SMG6: variants seen among roughly 807,000 people sequenced by gnomAD.
SMG6 encodes SMG6 nonsense mediated mRNA decay factor, also known as telomerase-binding protein EST1A.
A neutral mutation model predicts 142.2 loss-of-function variants in SMG6; 66 were observed. The observed-to-expected ratio is 0.46, with a 90% confidence interval of 0.38 to 0.57. SMG6 has a LOEUF of 0.57. Ranked by LOEUF, SMG6 falls within the 20% of genes least tolerant of loss-of-function variation. The probability of loss-of-function intolerance (pLI) is 0.00; values close to 1 mark genes in which losing one functional copy is unlikely to be tolerated. For synonymous variants in SMG6, 779 were observed against 702.4 expected (o/e 1.11, Z -1.72); for missense variants, 1,793 against 1,832.0 (o/e 0.98, Z 0.39).
intron 3 of SMG6, 66 bp downstream of exon 3, chr17:2,297,797 T>G (rs1428008342): frequency 6.5e-7 from 1 of 1,538,744 alleles, no homozygotes; most frequent in Non-Finnish European, 8.8e-7. Flanking sequence ...TTTCAGGTAG[T>G]AAAAATCCAT....
intron 17 of SMG6, 84 bp from the exon 18 acceptor site, chr17:2,065,238 G>T: frequency 8.0e-7 from 1 of 1,250,750 alleles, no homozygotes; most frequent in Non-Finnish European, 1.2e-6. Flanking sequence ...TGCCTCGGGG[G>T]CCCTGGGCAG....
intron 14 of SMG6, 97 bp from the exon 15 acceptor site, chr17:2,082,053 C>T (rs1253482641): frequency 3.0e-6 from 4 of 1,329,420 alleles, no homozygotes; most frequent in South Asian, 1.3e-5. Context: ...CCCTCACCCA[C>T]GCAGACTGGG....
intron 12 of SMG6, among the ~76,000 whole-genome samples, chr17:2,181,855 C>T (rs928137999): frequency 3.0e-4 from 45 of 152,370 alleles, no homozygotes; most frequent in African/African-American, 1.0e-3. Context: ...AAATGAGACC[C>T]AGCACTTCCT....
intron 13 of SMG6, among the ~76,000 whole-genome samples, chr17:2,119,785 C>T (rs1366481601): frequency 6.6e-6 from 1 of 152,202 alleles, no homozygotes; most frequent in Non-Finnish European, 1.5e-5. Flanking sequence ...CCTCAGCCTC[C>T]CAAGTAGATT....
At chr17:2,277,334 C>T (rs1190417365) in intron 8 of SMG6, among the ~76,000 whole-genome samples, 4 of 151,604 alleles carry the variant, frequency 2.6e-5, no homozygotes, top group Admixed American at 1.3e-4. Flanking sequence ...GCCCGGCTAA[C>T]TTTTTGTATT....
intron 8 of SMG6, among the ~76,000 whole-genome samples, chr17:2,273,511 T>TA (rs1157347788): frequency 6.6e-6 from 1 of 152,172 alleles, no homozygotes; most frequent in Non-Finnish European, 1.5e-5. Context: ...CGGGTGCCTG[T>TA]AGTCCCAGCT....
chr17:2,190,588 A>T (rs2072128940), intron 10 of SMG6, among the ~76,000 whole-genome samples: 1 of 152,184 alleles, frequency 6.6e-6, no homozygotes, highest in Non-Finnish European at 1.5e-5. Context: ...CTTAACAACA[A>T]TGGGATCTGC....
At chr17:2,251,661 C>T (rs540644660) in intron 8 of SMG6, among the ~76,000 whole-genome samples, 2 of 152,202 alleles carry the variant, frequency 1.3e-5, no homozygotes, top group South Asian at 2.1e-4. Context: ...TTTGTTACTT[C>T]GTTATCCCTC....
At chr17:2,278,646 T>C (rs1484029180) in intron 8 of SMG6, among the ~76,000 whole-genome samples, 1 of 152,136 alleles carries the variant, frequency 6.6e-6, no homozygotes, top group Non-Finnish European at 1.5e-5. Context: ...GAAATCCAAT[T>C]ATATCATCCC....
chr17:2,249,818 T>C (rs1438727483), intron 8 of SMG6, among the ~76,000 whole-genome samples: 1 of 152,192 alleles, frequency 6.6e-6, no homozygotes, highest in African/African-American at 2.4e-5. Flanking sequence ...TCTGGCTCCT[T>C]AGCTCAAGTC....
intron 13 of SMG6, among the ~76,000 whole-genome samples, chr17:2,097,720 T>C (rs886245810): frequency 5.3e-5 from 8 of 152,360 alleles, no homozygotes; most frequent in Non-Finnish European, 1.2e-4. Flanking sequence ...TGCTGTGTTA[T>C]ACACCTTCTC....
At chr17:2,296,839 A>G (rs2075152391) in intron 4 of SMG6, among the ~76,000 whole-genome samples, 1 of 152,046 alleles carries the variant, frequency 6.6e-6, no homozygotes, top group South Asian at 2.1e-4. Context: ...TACAAAACAT[A>G]GAAAAATTAG....
At chr17:2,248,561 G>A (rs1335141591) in intron 8 of SMG6, among the ~76,000 whole-genome samples, 1 of 152,082 alleles carries the variant, frequency 6.6e-6, no homozygotes, top group South Asian at 2.1e-4. Context: ...TATTTTAACT[G>A]CAAAAAGTCG....
At chr17:2,164,988 G>C (rs1049810509) in intron 13 of SMG6, among the ~76,000 whole-genome samples, 1 of 151,990 alleles carries the variant, frequency 6.6e-6, no homozygotes, top group Non-Finnish European at 1.5e-5. Context: ...TTTTTGTCAC[G>C]TAAGGTAACA....
At chr17:2,131,000 T>C (rs550654025) in intron 13 of SMG6, among the ~76,000 whole-genome samples, 9 of 152,126 alleles carry the variant, frequency 5.9e-5, no homozygotes, top group Non-Finnish European at 1.0e-4. Context: ...CAAGACTCCG[T>C]CTTTAAAAAA....
chr17:2,227,717 G>A (rs952038169), intron 10 of SMG6, among the ~76,000 whole-genome samples: 1 of 152,132 alleles, frequency 6.6e-6, no homozygotes, highest in Non-Finnish European at 1.5e-5. Flanking sequence ...AAATGGGTGT[G>A]TTTTATTGTA....
chr17:2,229,241 A>C (rs772917617), intron 10 of SMG6: 2 of 152,346 alleles, frequency 1.3e-5, no homozygotes, highest in Non-Finnish European at 2.9e-5. Flanking sequence ...CCCAAACAAC[A>C]ACCTTCTGCT....
At chr17:2,225,854 T>A (rs187921168) in intron 10 of SMG6, among the ~76,000 whole-genome samples, 4 of 151,750 alleles carry the variant, frequency 2.6e-5, no homozygotes, top group East Asian at 1.9e-4. Flanking sequence ...GAAACAATAA[T>A]CCATCCAAAA....
intron 16 of SMG6, among the ~76,000 whole-genome samples, chr17:2,066,349 T>C (rs2067947871): frequency 6.8e-6 from 1 of 147,544 alleles, no homozygotes; most frequent in East Asian, 1.9e-4. Flanking sequence ...TGCGTGTATG[T>C]GTGTACATGT....
Sources: gnomAD v4.1 joint callset for allele counts (sites outside exome capture counted in the v4.1 genomes callset) on GRCh38, gnomAD v4.1.1 for gene constraint, MANE v1.5 for transcripts, NCBI Gene and HGNC (gene_info 2026-07-23, HGNC 2026-07-21) for gene names.